LPAR3: variants seen among roughly 807,000 people sequenced by gnomAD.
The protein encoded by LPAR3 is LPA receptor 3.
In LPAR3, 7 loss-of-function variants were observed where a neutral mutation model predicts 17.8. The observed-to-expected ratio is 0.39, with a 90% CI of 0.22 to 0.74. LPAR3 has a LOEUF of 0.74. Among genes scored for constraint, LPAR3 ranks in the 30% least tolerant of loss-of-function variants. The pLI is 0.40. For missense variants in LPAR3, 391 were observed against 453.4 expected (o/e 0.86, Z 1.25); for synonymous variants, 179 against 179.9 (o/e 0.99, Z 0.04).
chr1:84,889,498 AC>A lies in LPAR3; in HGVS notation c.-19+3517del, dbSNP rs138898616. The stretch of plus-strand genomic sequence containing the variant: ...CTAAGAACTGAGATGCGCAGACAGT[AC>A]AGGTAATTCCAACACGAAATTAAAG... On this transcript the variant is annotated intron_variant, in intron 1 of 2. Coordinates refer to ENST00000370611, the MANE Select transcript of LPAR3 (RefSeq NM_012152.3). Among the ~76,000 whole-genome samples the A allele has an allele frequency of 5.1e-3, 771 of 152,342 alleles. 8 individuals carry two copies. Among genetic ancestry groups the A allele is most frequent in the African/African-American group, 0.017 (725 of 41,564 alleles).
chr1:84,865,987 A>C lies in LPAR3; in HGVS notation c.134T>G (p.Phe45Cys). The change falls in exon 2 of 3, where the codon TTT (phenylalanine) becomes TGT (cysteine). Residue 45 changes from phenylalanine to cysteine, a missense_variant. Phe to Cys is a radical substitution (Grantham distance 205). Transcript: ENST00000370611. ...CVGTFFCLFIFFSNSLVIAAV... is the reference protein window; with the variant it reads ...CVGTFFCLFICFSNSLVIAAV... ...CGCGATGACCAGAGAATTAGAAAAA[A>C]AAATAAACAGGCAGAAAAACGTCCC... 1 of 1,614,202 alleles carries C rather than the reference A, an allele frequency of 6.2e-7. No individual in the cohort carries two copies. The highest frequency in any genetic ancestry group is 8.5e-7 in the Non-Finnish European group (1 of 1,180,036).
intron 2 of LPAR3, among the ~76,000 whole-genome samples, chr1:84,859,680 A>G (rs1452175167): frequency 6.6e-6 from 1 of 152,200 alleles, no homozygotes; most frequent in Non-Finnish European, 1.5e-5. Context: ...GTTGCTTACA[A>G]TCTCATCAGT....
At chr1:84,880,067 T>C (rs957078650) in intron 1 of LPAR3, among the ~76,000 whole-genome samples, 5 of 152,350 alleles carry the variant, frequency 3.3e-5, no homozygotes, top group African/African-American at 1.2e-4. Context: ...TGGTGGCTCA[T>C]GCCTGTAATC....
In LPAR3 at chr1:84,821,186, A is replaced by G. The variant is rs958652357; in HGVS notation, c.737-7015T>C. On this transcript the variant is annotated intron_variant, in intron 2 of 2. Transcript: ENST00000370611. ...TAGAGGAATACTTTTCCCAAAGGAA[A>G]TATCTCGTTAAACTTCAAAATCAGA... is the stretch of plus-strand genomic sequence containing the variant. 2.0e-4 allele frequency among the ~76,000 whole-genome samples: 31 copies of G among 151,944 alleles called. 1 individual carries two copies. The highest frequency in any genetic ancestry group is 7.5e-4 in the African/African-American group (31 of 41,332).
chr1:84,836,091 C>T (rs1444907646), intron 2 of LPAR3, among the ~76,000 whole-genome samples: 2 of 138,966 alleles, frequency 1.4e-5, no homozygotes, highest in Non-Finnish European at 3.0e-5. Context: ...AATCCCAGCA[C>T]TTTGGGAGGC....
chr1:84,836,124 C>A (rs184463208), intron 2 of LPAR3, among the ~76,000 whole-genome samples: 16 of 144,942 alleles, frequency 1.1e-4, no homozygotes, highest in Non-Finnish European at 2.2e-4. Context: ...ACTGCTTGAG[C>A]CCAGGAGTTC....
At position 84,865,834 on chromosome 1, in the gene LPAR3, G is replaced by A. The variant is rs375090825; in HGVS notation, c.287C>T (p.Thr96Ile). ...LMFNTGPVSK[T>I]LTVNRWFLRQ... Reference sequence around the variant, plus strand: ...GAGAAACCAGCGGTTGACAGTCAAAGTTTTTGAAACTGGGCCTGTGTTAAA... The same window carrying A: ...GAGAAACCAGCGGTTGACAGTCAAAATTTTTGAAACTGGGCCTGTGTTAAA... The change falls in exon 2 of 3, where the codon ACT (threonine) becomes ATT (isoleucine). Residue 96 changes from threonine (T) to isoleucine (I), a missense_variant. By Grantham distance (89) the Thr-to-Ile change is moderately conservative (BLOSUM62 -1). Coordinates refer to ENST00000370611, the MANE Select transcript of LPAR3 (RefSeq NM_012152.3). 3.9e-5 allele frequency: 63 copies of A among 1,614,092 alleles called. No homozygotes were observed. Among genetic ancestry groups the A allele is most frequent in the Non-Finnish European group, 5.3e-5 (62 of 1,180,052 alleles).
intron 2 of LPAR3, among the ~76,000 whole-genome samples, chr1:84,863,651 G>A (rs545869202): frequency 1.3e-5 from 2 of 152,228 alleles, no homozygotes; most frequent in Admixed American, 6.5e-5. Flanking sequence ...TAAAATACCA[G>A]TTTCCCCCCA....
chr1:84,878,653 T>G (rs756706557), intron 1 of LPAR3, among the ~76,000 whole-genome samples: 4 of 152,120 alleles, frequency 2.6e-5, no homozygotes, highest in Non-Finnish European at 5.9e-5. Flanking sequence ...AGCTCAGCTG[T>G]TGGAAGATAG....
intron 2 of LPAR3, among the ~76,000 whole-genome samples, chr1:84,847,384 A>T (rs904407954): frequency 1.3e-5 from 2 of 152,118 alleles, no homozygotes; most frequent in African/African-American, 4.8e-5. Context: ...GTGGAGGGAG[A>T]GCTCATGCAT....
At chr1:84,845,685 A>T (rs1659583502) in intron 2 of LPAR3, among the ~76,000 whole-genome samples, 1 of 152,228 alleles carries the variant, frequency 6.6e-6, no homozygotes, top group Non-Finnish European at 1.5e-5. Context: ...CCAAATTAGA[A>T]ATCAGAACAG....
chr1:84,849,332 G>T (rs187007684), intron 2 of LPAR3, among the ~76,000 whole-genome samples: 8 of 127,142 alleles, frequency 6.3e-5, no homozygotes, highest in Non-Finnish European at 1.2e-4. Flanking sequence ...CCGAGATTGC[G>T]CCACTGCACT....
chr1:84,865,338 TTGC>T, intron 2 of LPAR3, 44 bp downstream of exon 2: 1 of 1,546,766 alleles, frequency 6.5e-7, no homozygotes, highest in South Asian at 1.3e-5. Context: ...CCGTAAAGAT[TTGC>T]TGAATGAATG....
chr1:84,881,919 G>C (rs1660373620), intron 1 of LPAR3, among the ~76,000 whole-genome samples: 1 of 152,110 alleles, frequency 6.6e-6, no homozygotes, highest in Admixed American at 6.5e-5. Context: ...CCAAGATGAG[G>C]AACAAAGCAA....
intron 1 of LPAR3, among the ~76,000 whole-genome samples, chr1:84,882,463 T>C (rs1458552745): frequency 1.3e-5 from 2 of 152,194 alleles, no homozygotes; most frequent in Non-Finnish European, 2.9e-5. Context: ...CTGAATGGCA[T>C]TTTTTACAGA....
chr1:84,874,034 T>C (rs369325501), intron 1 of LPAR3, among the ~76,000 whole-genome samples: 4 of 152,226 alleles, frequency 2.6e-5, no homozygotes, highest in Non-Finnish European at 5.9e-5. Context: ...ATTACAGGCA[T>C]GAGCCATGGT....
chr1:84,815,397 C>G (rs1184915272), intron 2 of LPAR3, among the ~76,000 whole-genome samples: 1 of 152,206 alleles, frequency 6.6e-6, no homozygotes, highest in African/African-American at 2.4e-5. Context: ...AGGCCACGCA[C>G]TCAGGGAGCT....
chr1:84,885,646 A>G (rs1319558938), intron 1 of LPAR3, among the ~76,000 whole-genome samples: 1 of 152,132 alleles, frequency 6.6e-6, no homozygotes, highest in Non-Finnish European at 1.5e-5. Flanking sequence ...GACATGAGCT[A>G]TGGCTGGGAA....
rs1158521094 is a variant in LPAR3 at position 84,865,471 on chromosome 1, G to T, written c.650C>A (p.Thr217Asn). The T allele has an allele frequency of 1.9e-6, 3 of 1,614,130 alleles. No individual in the cohort carries two copies. The highest frequency in any genetic ancestry group is 4.5e-5 in the East Asian group (2 of 44,872). ...LRIYVYVKRK[T>N]NVLSPHTSGS... ...ACTTGTATGCGGAGACAAGACGTTGGTTTTCCTCTTGACGTACACGTAGAT... is the reference window on the plus strand; with the variant it reads ...ACTTGTATGCGGAGACAAGACGTTGTTTTTCCTCTTGACGTACACGTAGAT... The change falls in exon 2 of 3, where the codon ACC becomes AAC. Residue 217 changes from threonine to asparagine, a missense_variant. Physicochemically the swap from Thr to Asn is moderately conservative, Grantham distance 65 (BLOSUM62 0). Coordinates refer to ENST00000370611, the MANE Select transcript of LPAR3 (RefSeq NM_012152.3).
Sources: gnomAD v4.1 joint callset for allele counts (sites outside exome capture counted in the v4.1 genomes callset) on GRCh38, gnomAD v4.1.1 for gene constraint, MANE v1.5 for transcripts, NCBI Gene and HGNC (gene_info 2026-07-23, HGNC 2026-07-21) for gene names.